PHTF2: variants seen among roughly 807,000 people sequenced by gnomAD.
The protein encoded by PHTF2 is putative homeodomain transcription factor 2, also known as protein PHTF2.
A neutral mutation model predicts 101.2 loss-of-function variants in PHTF2; 60 were observed. That is an observed-to-expected ratio of 0.59 (90% CI 0.48 to 0.73). PHTF2 has a LOEUF of 0.73. Ranked by LOEUF, PHTF2 falls within the 30% of genes least tolerant of loss-of-function variation. The probability of loss-of-function intolerance (pLI) is 0.00; values close to 1 mark genes in which losing one functional copy is unlikely to be tolerated. For missense variants in PHTF2, 747 were observed against 908.7 expected (o/e 0.82, Z 2.29); for synonymous variants, 311 against 307.3 (o/e 1.01, Z -0.13).
chr7:77,854,292 A>G (rs1353967273), intron 2 of PHTF2, among the ~76,000 whole-genome samples: 3 of 151,974 alleles, frequency 2.0e-5, no homozygotes, highest in Non-Finnish European at 4.4e-5. Flanking sequence ...TTTAGTTTTC[A>G]CCAAACAAAT....
At chr7:77,841,819 G>T (rs1443451491) in intron 2 of PHTF2, among the ~76,000 whole-genome samples, 1 of 152,150 alleles carries the variant, frequency 6.6e-6, no homozygotes, top group Non-Finnish European at 1.5e-5. Flanking sequence ...AAAGAAAATT[G>T]TAAGTTAAGG....
intron 3 of PHTF2, among the ~76,000 whole-genome samples, chr7:77,858,071 A>T (rs923572917): frequency 6.6e-6 from 1 of 152,192 alleles, no homozygotes; most frequent in Non-Finnish European, 1.5e-5. Flanking sequence ...ATTAAATAGC[A>T]CTTATAAACC....
chr7:77,887,472 G>A (rs1799971662), intron 3 of PHTF2, among the ~76,000 whole-genome samples: 1 of 151,230 alleles, frequency 6.6e-6, no homozygotes, highest in Non-Finnish European at 1.5e-5. Flanking sequence ...TCAAACTTTA[G>A]ATGAGAAAAC....
At chr7:77,826,321 C>G (rs531424672) in intron 1 of PHTF2, among the ~76,000 whole-genome samples, 1 of 152,164 alleles carries the variant, frequency 6.6e-6, no homozygotes, top group African/African-American at 2.4e-5. Flanking sequence ...AGTTGTCAAC[C>G]AGAAGTATTA....
exon 6 of PHTF2, chr7:77,900,713 G>T (rs1411823013): frequency 6.7e-7 from 1 of 1,501,120 alleles, no homozygotes; most frequent in Non-Finnish European, 9.3e-7. Context: ...TATTATAGGG[G>T]CTAAGGAATA....
intron 12 of PHTF2, among the ~76,000 whole-genome samples, chr7:77,936,628 C>A (rs58724622): frequency 6.6e-6 from 1 of 151,422 alleles, no homozygotes; most frequent in African/African-American, 2.4e-5. Flanking sequence ...GAGCTGAGAT[C>A]GCACCATTGC....
chr7:77,864,238 A>G (rs901149741), intron 3 of PHTF2, among the ~76,000 whole-genome samples: 2 of 152,198 alleles, frequency 1.3e-5, no homozygotes, highest in Admixed American at 6.5e-5. Flanking sequence ...TCTAGTCACC[A>G]TTCTGTTACT....
chr7:77,916,253 C>T (rs1361890882), intron 9 of PHTF2, among the ~76,000 whole-genome samples: 1 of 152,092 alleles, frequency 6.6e-6, no homozygotes, highest in African/African-American at 2.4e-5. Flanking sequence ...TTAAATAAGT[C>T]TCTCATCCCC....
At chr7:77,909,415 C>T (rs1802166204) in intron 8 of PHTF2, 1 of 152,412 alleles carries the variant, frequency 6.6e-6, no homozygotes, top group African/African-American at 2.4e-5. Flanking sequence ...GTCTCCGTCA[C>T]CCAGGCTGGA....
chr7:77,828,754 G>C (rs1177400641), intron 1 of PHTF2, among the ~76,000 whole-genome samples: 1 of 152,184 alleles, frequency 6.6e-6, no homozygotes, highest in Admixed American at 6.5e-5. Context: ...TGTAATCCCA[G>C]CTACTCGGGA....
chr7:77,819,180 A>G (rs1053104431), intron 1 of PHTF2, among the ~76,000 whole-genome samples: 1 of 152,208 alleles, frequency 6.6e-6, no homozygotes, highest in African/African-American at 2.4e-5. Context: ...TGTCATCTGC[A>G]AATAGACATT....
chr7:77,860,252 C>T (rs1408365323), intron 3 of PHTF2, among the ~76,000 whole-genome samples: 4 of 152,082 alleles, frequency 2.6e-5, no homozygotes, highest in African/African-American at 7.2e-5. Context: ...GCAGTTGAGT[C>T]GACATGTGCA....
At chr7:77,833,994 G>A (rs1016783783) in intron 1 of PHTF2, among the ~76,000 whole-genome samples, 1 of 152,092 alleles carries the variant, frequency 6.6e-6, no homozygotes, top group Non-Finnish European at 1.5e-5. Flanking sequence ...GAAGAAGCTG[G>A]AGCAAAATTA....
At chr7:77,928,057 A>G (rs1002604673) in intron 11 of PHTF2, among the ~76,000 whole-genome samples, 9 of 152,316 alleles carry the variant, frequency 5.9e-5, no homozygotes, top group African/African-American at 9.6e-5. Context: ...GCAAAGATCA[A>G]TTAGGAGGTG....
At chr7:77,803,577 G>A (rs1443156904) in intron 1 of PHTF2, among the ~76,000 whole-genome samples, 1 of 151,996 alleles carries the variant, frequency 6.6e-6, no homozygotes, top group Non-Finnish European at 1.5e-5. Flanking sequence ...CCTACTTTGC[G>A]AGATTTTAAG....
intron 3 of PHTF2, among the ~76,000 whole-genome samples, chr7:77,890,706 C>T (rs1269320103): frequency 3.4e-5 from 5 of 148,532 alleles, no homozygotes; most frequent in African/African-American, 5.0e-5. Flanking sequence ...CCCGGGTTCA[C>T]GCCATTCTCC....
At chr7:77,950,575 C>T (rs1226948950) in intron 17 of PHTF2, among the ~76,000 whole-genome samples, 1 of 152,070 alleles carries the variant, frequency 6.6e-6, no homozygotes, top group Non-Finnish European at 1.5e-5. Flanking sequence ...GCAGGAGAAT[C>T]GTTTGAACCC....
intron 5 of PHTF2, among the ~76,000 whole-genome samples, chr7:77,898,474 A>C (rs1801078561): frequency 6.6e-6 from 1 of 152,234 alleles, no homozygotes; most frequent in Non-Finnish European, 1.5e-5. Context: ...AAATATATGT[A>C]TTATTACAGT....
At position 77,826,595 on chromosome 7, in the gene PHTF2, A is replaced by G. The variant is rs563662019; in HGVS notation, c.-35-13626A>G. ...AGGAAAAGGGAGAAGAGAAAGAAAA[A>G]AAGTGCTTTTCCCAACTACAAGTAC... is the stretch of plus-strand genomic sequence containing the variant. On this transcript the variant is annotated intron_variant, in intron 1 of 19. Coordinates refer to ENST00000416283, the Ensembl canonical transcript of PHTF2. 1.9e-4 allele frequency among the ~76,000 whole-genome samples: 29 copies of G among 152,310 alleles called. No homozygotes were observed. In the South Asian group the frequency reaches 5.8e-3, roughly 30 times the overall value.
Sources: gnomAD v4.1 joint callset for allele counts (sites outside exome capture counted in the v4.1 genomes callset) on GRCh38, gnomAD v4.1.1 for gene constraint, MANE v1.5 for transcripts, NCBI Gene and HGNC (gene_info 2026-07-23, HGNC 2026-07-21) for gene names.